PARP8: variants seen among roughly 807,000 people sequenced by gnomAD.
The protein encoded by PARP8 is poly(ADP-ribose) polymerase family member 8.
PARP8 carries 51 observed loss-of-function variants against 124.1 expected under a neutral mutation model. The ratio of observed to expected loss-of-function variants is 0.41; its 90% CI spans 0.33 to 0.52. PARP8 has a LOEUF of 0.52. Among genes scored for constraint, PARP8 ranks in the 20% least tolerant of loss-of-function variants. The pLI, the probability that PARP8 is intolerant of heterozygous loss-of-function variation, is 0.21. For missense variants in PARP8, 860 were observed against 1,018.9 expected (o/e 0.84, Z 2.12); for synonymous variants, 391 against 361.5 (o/e 1.08, Z -0.93).
intron 2 of PARP8, among the ~76,000 whole-genome samples, chr5:50,706,428 C>T (rs536226147): frequency 1.4e-4 from 21 of 152,004 alleles, no homozygotes; most frequent in Admixed American, 2.6e-4. Flanking sequence ...TAATTCTCTT[C>T]CTGTCCCATT....
Position 50,828,321 on chromosome 5 carries a change from C to T in PARP8, c.2100C>T (p.His700=). 6.2e-7 allele frequency: 1 copy of T among 1,613,498 alleles called. No homozygotes were observed. Reference sequence around the variant, plus strand: ...CCGTCTGTTTTTTTAGTGGCTCACACATTGAAAACTGGCACTCCATCCTGA... The same window carrying T: ...CCGTCTGTTTTTTTAGTGGCTCACATATTGAAAACTGGCACTCCATCCTGA... ...FGSTFAFHGS[H]IENWHSILRN... Residue 700 remains histidine, a synonymous_variant, in exon 21 of 26, where the codon CAC becomes CAT. Coordinates refer to ENST00000281631, the MANE Select transcript of PARP8 (RefSeq NM_024615.4).
intron 15 of PARP8, among the ~76,000 whole-genome samples, chr5:50,819,281 T>TA: frequency 1.3e-5 from 2 of 152,250 alleles, no homozygotes; most frequent in Middle Eastern, 3.4e-3. Context: ...AATATACTAG[T>TA]AAAAATATTG....
chr5:50,768,293 T>G (rs147810270), intron 7 of PARP8, among the ~76,000 whole-genome samples: 116 of 152,088 alleles, frequency 7.6e-4, no homozygotes, highest in African/African-American at 2.7e-3. Flanking sequence ...TGCTAAGAAT[T>G]CTAACACAGT....
intron 1 of PARP8, chr5:50,667,825 A>C (rs1446547815): frequency 3.4e-6 from 4 of 1,182,442 alleles, no homozygotes; most frequent in South Asian, 2.6e-5. Context: ...GGCCTCCCCT[A>C]TCGGGAAATT....
At chr5:50,815,551 C>T in intron 15 of PARP8, 27 bp downstream of exon 15, 1 of 1,519,860 alleles carries the variant, frequency 6.6e-7, no homozygotes, top group Non-Finnish European at 8.9e-7. Context: ...CTAATTATTT[C>T]TTATTTTGCT....
At chr5:50,798,643 C>T (rs542700637) in intron 14 of PARP8, among the ~76,000 whole-genome samples, 10 of 152,106 alleles carry the variant, frequency 6.6e-5, no homozygotes, top group Admixed American at 2.0e-4. Flanking sequence ...AGGATGGTCT[C>T]GATCTCCTGA....
chr5:50,833,489 A>G (rs1747216887), intron 23 of PARP8: 6 of 415,828 alleles, frequency 1.4e-5, no homozygotes, highest in South Asian at 1.0e-4. Context: ...TTAAAAAAAG[A>G]GAGTATAGCT....
At chr5:50,667,578 A>C in intron 1 of PARP8, 1 of 698,830 alleles carries the variant, frequency 1.4e-6, no homozygotes, top group South Asian at 1.5e-5. Context: ...CCGGGAATGG[A>C]GCCTGCTGCG....
At chr5:50,778,958 CT>C (rs1193333178) in intron 9 of PARP8, among the ~76,000 whole-genome samples, 2 of 152,014 alleles carry the variant, frequency 1.3e-5, no homozygotes, top group Non-Finnish European at 2.9e-5. Flanking sequence ...TTGGGTTTTC[CT>C]TAGATATAAT....
intron 3 of PARP8, among the ~76,000 whole-genome samples, chr5:50,756,027 A>G (rs906346150): frequency 3.3e-5 from 5 of 152,108 alleles, no homozygotes; most frequent in Admixed American, 6.6e-5. Flanking sequence ...TTGTGCATTG[A>G]TTTTGTATCC....
At chr5:50,820,103 G>A (rs747914386) in intron 15 of PARP8, among the ~76,000 whole-genome samples, 19 of 152,102 alleles carry the variant, frequency 1.2e-4, no homozygotes, top group Non-Finnish European at 2.6e-4. Context: ...TGTCTTGAGC[G>A]TTGCTGATTA....
At chr5:50,804,305 G>T (rs1743574525) in intron 14 of PARP8, among the ~76,000 whole-genome samples, 1 of 152,134 alleles carries the variant, frequency 6.6e-6, no homozygotes, top group Non-Finnish European at 1.5e-5. Context: ...GTGTCTTCCA[G>T]AGAACTATCA....
At chr5:50,818,242 T>C (rs1580448267) in intron 15 of PARP8, among the ~76,000 whole-genome samples, 1 of 149,310 alleles carries the variant, frequency 6.7e-6, no homozygotes, top group Non-Finnish European at 1.5e-5. Context: ...TTTCTTTTCT[T>C]CCCCCTCGAG....
chr5:50,671,516 A>G (rs199994493), intron 2 of PARP8, among the ~76,000 whole-genome samples: 1 of 146,734 alleles, frequency 6.8e-6, no homozygotes, highest in Admixed American at 6.8e-5. Flanking sequence ...AAAAAAAAAA[A>G]TAAAAAAAAA....
intron 14 of PARP8, among the ~76,000 whole-genome samples, chr5:50,806,716 A>C (rs1413881744): frequency 6.6e-6 from 1 of 152,110 alleles, no homozygotes; most frequent in African/African-American, 2.4e-5. Context: ...TAGACACAGG[A>C]AGAACTATCT....
intron 2 of PARP8, chr5:50,668,587 A>T (rs1428076321): frequency 6.5e-6 from 1 of 154,220 alleles, no homozygotes; most frequent in Non-Finnish European, 1.4e-5. Context: ...AATTCTCTGT[A>T]CATTTTTTTT....
rs1181533262 is a variant in PARP8, at chr5:50,797,198, G to A, written c.1540G>A (p.Glu514Lys). 1.2e-6 allele frequency: 2 copies of A among 1,612,158 alleles called. No individual in the cohort carries two copies. The highest frequency in any genetic ancestry group is 1.7e-6 in the Non-Finnish European group (2 of 1,178,906). Residue 514 changes from glutamate to lysine, a missense_variant, in exon 14 of 26, where the codon GAG (glutamate) becomes AAG (lysine). By Grantham distance (56) the Glu-to-Lys change is moderately conservative. Transcript: ENST00000281631. ...AAATGAATATTGTGTGGTTTGTGAT[G>A]AGCCACATGTGTTTCAAAATGGCCC... Reference protein sequence around the residue: ...VLNEYCVVCDEPHVFQNGPML... With the variant: ...VLNEYCVVCDKPHVFQNGPML...
intron 15 of PARP8, among the ~76,000 whole-genome samples, chr5:50,816,035 A>G (rs1745064803): frequency 6.6e-6 from 1 of 152,056 alleles, no homozygotes; most frequent in South Asian, 2.1e-4. Context: ...TAATTCATCT[A>G]TAAGAAAAAA....
intron 23 of PARP8, chr5:50,833,563 G>A (rs763966464): frequency 9.5e-6 from 3 of 317,182 alleles, no homozygotes; most frequent in Admixed American, 4.1e-5. Flanking sequence ...TGTAACCTCC[G>A]TGACCTAGTA....
Sources: allele counts gnomAD v4.1 joint callset (sites outside exome capture counted in the v4.1 genomes callset), GRCh38; gene constraint gnomAD v4.1.1; transcripts MANE v1.5; gene names NCBI Gene and HGNC (gene_info 2026-07-23, HGNC 2026-07-21).